HPSE2: variants seen among roughly 807,000 people sequenced by gnomAD.
HPSE2 encodes inactive heparanase-2.
A neutral mutation model predicts 60.5 loss-of-function variants in HPSE2; 38 were observed. The ratio of observed to expected loss-of-function variants is 0.63; its 90% CI spans 0.48 to 0.82. HPSE2 has a LOEUF of 0.82. HPSE2 is among the 40% of genes least tolerant of loss of function. The pLI is 0.00. For synonymous variants in HPSE2, 295 were observed against 293.2 expected (o/e 1.01, Z -0.06); for missense variants, 713 against 740.4 (o/e 0.96, Z 0.43).
chr10:98,749,138 T>C (rs1407758114), intron 3 of HPSE2, among the ~76,000 whole-genome samples: 1 of 152,068 alleles, frequency 6.6e-6, no homozygotes, highest in Non-Finnish European at 1.5e-5. Flanking sequence ...ATTAGGAAAA[T>C]GTAGATAAGG....
intron 3 of HPSE2, among the ~76,000 whole-genome samples, chr10:99,004,509 T>C (rs1307398088): frequency 1.3e-5 from 2 of 152,226 alleles, no homozygotes; most frequent in East Asian, 3.9e-4. Flanking sequence ...AAAGATTTGA[T>C]TGCATTAAAA....
chr10:99,148,649 G>T (rs1269777103), intron 2 of HPSE2, among the ~76,000 whole-genome samples: 1 of 152,056 alleles, frequency 6.6e-6, no homozygotes, highest in African/African-American at 2.4e-5. Flanking sequence ...AATTAGCCAG[G>T]CATGGTGGCG....
intron 2 of HPSE2, among the ~76,000 whole-genome samples, chr10:99,163,144 G>C (rs547286549): frequency 6.6e-6 from 1 of 151,728 alleles, no homozygotes; most frequent in South Asian, 2.1e-4. Flanking sequence ...CCAGGAGGCC[G>C]AGCTTGCAGT....
At chr10:99,051,319 C>G (rs1292172860) in intron 3 of HPSE2, among the ~76,000 whole-genome samples, 1 of 152,110 alleles carries the variant, frequency 6.6e-6, no homozygotes. Flanking sequence ...GCAATATTTC[C>G]AAAATATCCC....
intron 3 of HPSE2, among the ~76,000 whole-genome samples, chr10:98,888,177 CATG>C (rs200278530): frequency 1.4e-3 from 201 of 147,214 alleles, no homozygotes; most frequent in African/African-American, 4.2e-3. Flanking sequence ...CACACACATG[CATG>C]ATAAGGTCTA....
At chr10:98,974,538 T>C (rs914779154) in intron 3 of HPSE2, among the ~76,000 whole-genome samples, 3 of 152,106 alleles carry the variant, frequency 2.0e-5, no homozygotes, top group African/African-American at 7.2e-5. Context: ...AGTGCTGGGA[T>C]TACAGGTGTG....
intron 9 of HPSE2, among the ~76,000 whole-genome samples, chr10:98,582,776 C>T (rs950764872): frequency 5.3e-5 from 8 of 152,142 alleles, no homozygotes; most frequent in African/African-American, 1.9e-4. Flanking sequence ...TCATATAATT[C>T]ACCCATTTAG....
chr10:98,571,893 G>A (rs1944504093), intron 9 of HPSE2, among the ~76,000 whole-genome samples: 2 of 151,700 alleles, frequency 1.3e-5, no homozygotes, highest in South Asian at 4.2e-4. Flanking sequence ...ATCTATTCTG[G>A]ATCATGAGTC....
chr10:99,131,589 G>T (rs537745557), intron 3 of HPSE2, among the ~76,000 whole-genome samples: 1 of 152,236 alleles, frequency 6.6e-6, no homozygotes, highest in East Asian at 1.9e-4. Context: ...AAGACCATTT[G>T]CAGCAACTTG....
At chr10:99,021,018 G>T (rs1957249866) in intron 3 of HPSE2, among the ~76,000 whole-genome samples, 1 of 152,074 alleles carries the variant, frequency 6.6e-6, no homozygotes, top group South Asian at 2.1e-4. Flanking sequence ...AGGACAAGAT[G>T]GTCCATTTAT....
intron 9 of HPSE2, among the ~76,000 whole-genome samples, chr10:98,550,569 T>G (rs541480636): frequency 4.7e-4 from 71 of 151,762 alleles, no homozygotes; most frequent in Middle Eastern, 3.4e-3. Context: ...CCCAGGTTCA[T>G]GCCATTCTCC....
chr10:98,506,844 A>G (rs1942218797), intron 9 of HPSE2, among the ~76,000 whole-genome samples: 2 of 152,110 alleles, frequency 1.3e-5, no homozygotes, highest in Admixed American at 1.3e-4. Context: ...TATTCTATGA[A>G]AACCATTTGT....
chr10:98,686,906 C>A (rs996812227), intron 6 of HPSE2, among the ~76,000 whole-genome samples: 2 of 151,908 alleles, frequency 1.3e-5, no homozygotes, highest in Non-Finnish European at 2.9e-5. Flanking sequence ...CAACTGCATT[C>A]TGTAAATGTG....
chr10:99,000,775 C>T (rs1008771957), intron 3 of HPSE2, among the ~76,000 whole-genome samples: 2 of 152,154 alleles, frequency 1.3e-5, no homozygotes, highest in African/African-American at 4.8e-5. Flanking sequence ...ATATTATATG[C>T]TAAGCTTAAT....
chr10:98,752,522 C>A (rs1949782566), intron 3 of HPSE2, among the ~76,000 whole-genome samples: 1 of 152,100 alleles, frequency 6.6e-6, no homozygotes, highest in African/African-American at 2.4e-5. Flanking sequence ...TATCTGGATA[C>A]TTTCTACAGA....
chr10:98,689,693 T>C (rs188806580), intron 6 of HPSE2, among the ~76,000 whole-genome samples: 15 of 152,364 alleles, frequency 9.8e-5, no homozygotes, highest in Non-Finnish European at 2.9e-5. Flanking sequence ...GTGTGGATGA[T>C]ATACTACAGA....
chr10:99,140,748 T>C (rs1194519400), intron 3 of HPSE2, among the ~76,000 whole-genome samples: 2 of 152,140 alleles, frequency 1.3e-5, no homozygotes, highest in African/African-American at 2.4e-5. Flanking sequence ...ACCTAAAAAG[T>C]AGTCTTCTGG....
Position 98,891,096 on chromosome 10 carries a change from T to A in HPSE2, c.611-147040A>T, listed in dbSNP as rs113586325. On this transcript the variant is annotated intron_variant, in intron 3 of 11. Coordinates refer to ENST00000370552, the MANE Select transcript of HPSE2 (RefSeq NM_021828.5). Reference sequence around the variant, plus strand: ...CTGCTCCCTTCAAAATTTTCAGACATAGCTTCTATTGATCTAGGTTCTAGG... The same window carrying A: ...CTGCTCCCTTCAAAATTTTCAGACAAAGCTTCTATTGATCTAGGTTCTAGG... Among the ~76,000 whole-genome samples, 882 of 152,262 alleles carry A rather than the reference T, an allele frequency of 5.8e-3. 8 individuals carry two copies. The highest frequency in any genetic ancestry group is 0.02 in the African/African-American group (843 of 41,556).
chr10:98,579,964 T>A (rs968719342), intron 9 of HPSE2, among the ~76,000 whole-genome samples: 1 of 152,218 alleles, frequency 6.6e-6, no homozygotes, highest in Non-Finnish European at 1.5e-5. Context: ...CTGTTAAGTC[T>A]GCTACCCAGC....
Sources: gnomAD v4.1 joint callset for allele counts (sites outside exome capture counted in the v4.1 genomes callset) on GRCh38, gnomAD v4.1.1 for gene constraint, MANE v1.5 for transcripts, NCBI Gene and HGNC (gene_info 2026-07-23, HGNC 2026-07-21) for gene names.